The following IGF1R variants were observed in gnomAD, a reference collection of about 807,000 sequenced individuals.
IGF1R encodes insulin-like growth factor 1 receptor.
In IGF1R, 44 loss-of-function variants were observed where a neutral mutation model predicts 144.6. The ratio of observed to expected loss-of-function variants is 0.30; its 90% confidence interval spans 0.24 to 0.39. IGF1R has a LOEUF of 0.39. IGF1R is among the 10% of genes least tolerant of loss of function. The pLI, the probability that IGF1R is intolerant of heterozygous loss-of-function variation, is 1.00. For synonymous variants in IGF1R, 795 were observed against 722.8 expected (o/e 1.10, Z -1.60); for missense variants, 1,355 against 1,833.7 (o/e 0.74, Z 4.77).
chr15:98,925,930 A>G lies in IGF1R; in HGVS notation c.2782+1246A>G, dbSNP rs377217677. On this transcript the variant is annotated intron_variant, in intron 13 of 20. Transcript: ENST00000650285. ...GAAAAAAGGAAAAAAAACAAAAAAC[A>G]GCGCACTCAATAGGTCCAGCAATCT... 1.6e-3 allele frequency among the ~76,000 whole-genome samples: 239 copies of G among 152,224 alleles called. 1 individual carries two copies. The highest frequency in any genetic ancestry group is 5.5e-3 in the African/African-American group (227 of 41,550).
At chr15:98,793,976 A>G (rs954276823) in intron 2 of IGF1R, among the ~76,000 whole-genome samples, 1 of 152,204 alleles carries the variant, frequency 6.6e-6, no homozygotes, top group East Asian at 1.9e-4. Context: ...AGTTTTTGAG[A>G]TGAAGCAGGG....
chr15:98,668,021 T>C (rs544909691), intron 1 of IGF1R, among the ~76,000 whole-genome samples: 6 of 152,234 alleles, frequency 3.9e-5, no homozygotes, highest in South Asian at 2.1e-4. Flanking sequence ...CACAGACTTA[T>C]GTTTCTCACA....
intron 1 of IGF1R, among the ~76,000 whole-genome samples, chr15:98,675,908 C>T (rs1294695199): frequency 2.7e-5 from 4 of 149,660 alleles, no homozygotes; most frequent in Middle Eastern, 3.5e-3. Context: ...TCAAAGCAGC[C>T]TCCCCCTCCC....
chr15:98,796,281 G>C (rs779515756), intron 2 of IGF1R, among the ~76,000 whole-genome samples: 3 of 152,158 alleles, frequency 2.0e-5, no homozygotes, highest in Non-Finnish European at 2.9e-5. Context: ...GGGGGTGTGT[G>C]GGGGTGGTTG....
chr15:98,799,964 T>C (rs933630295), intron 2 of IGF1R, among the ~76,000 whole-genome samples: 1 of 152,176 alleles, frequency 6.6e-6, no homozygotes, highest in South Asian at 2.1e-4. Flanking sequence ...ATTTCTCCCT[T>C]CCTTTCCTGC....
At chr15:98,725,307 GA>G (rs1321852737) in intron 2 of IGF1R, among the ~76,000 whole-genome samples, 1 of 151,964 alleles carries the variant, frequency 6.6e-6, no homozygotes, top group African/African-American at 2.4e-5. Context: ...TTCTGAATTG[GA>G]AAAAAACAAA....
At chr15:98,683,682 A>G (rs1221838969) in intron 1 of IGF1R, among the ~76,000 whole-genome samples, 1 of 152,236 alleles carries the variant, frequency 6.6e-6, no homozygotes, top group Non-Finnish European at 1.5e-5. Context: ...CCATTTCACA[A>G]CTACATCTCA....
intron 2 of IGF1R, among the ~76,000 whole-genome samples, chr15:98,713,606 A>G (rs1479522099): frequency 6.6e-6 from 1 of 152,192 alleles, no homozygotes; most frequent in Non-Finnish European, 1.5e-5. Flanking sequence ...TGACTTTGTA[A>G]GGCAGTTTTG....
rs2053891845 is a variant in IGF1R, at chr15:98,707,409, A to G, written c.95-153A>G. On this transcript the variant is annotated intron_variant, in intron 1 of 20. Transcript: ENST00000650285. This position sits in a 1 kb window ranked among gnomAD's most constrained non-coding sequence, Gnocchi z 6.7. The stretch of plus-strand genomic sequence containing the variant: ...TAACTGGTTAGCCACCTAAACTGTC[A>G]GTCTGCAACCCACAGCTCTGCAGTG... 6.6e-6 allele frequency among the ~76,000 whole-genome samples: 1 copy of G among 152,238 alleles called. No individual in the cohort carries two copies. Among genetic ancestry groups the G allele is most frequent in the Non-Finnish European group, 1.5e-5 (1 of 68,042 alleles).
chr15:98,897,696 C>A (rs1193934683), intron 4 of IGF1R, among the ~76,000 whole-genome samples: 1 of 152,226 alleles, frequency 6.6e-6, no homozygotes, highest in East Asian at 1.9e-4. Flanking sequence ...TCTGCTCAGC[C>A]TCCCACGTTG....
chr15:98,677,192 C>G (rs2053069521), intron 1 of IGF1R, among the ~76,000 whole-genome samples: 1 of 152,166 alleles, frequency 6.6e-6, no homozygotes, highest in Non-Finnish European at 1.5e-5. Context: ...CCACCTTCAC[C>G]TCCCAAAGTG....
chr15:98,742,441 G>A (rs570587074), intron 2 of IGF1R, among the ~76,000 whole-genome samples: 3 of 152,274 alleles, frequency 2.0e-5, no homozygotes, highest in South Asian at 2.1e-4. Flanking sequence ...CAAGGTGGAC[G>A]AGGGCTGGGG....
intron 19 of IGF1R, among the ~76,000 whole-genome samples, chr15:98,943,327 A>G (rs2016434230): frequency 6.6e-6 from 1 of 152,194 alleles, no homozygotes; most frequent in South Asian, 2.1e-4. Context: ...AGGAGGTGGG[A>G]TGTGCCAGAA....
rs575877649 is a variant in IGF1R, at chr15:98,840,961, G to A, written c.641-50364G>A. On this transcript the variant is annotated intron_variant, in intron 2 of 20. Coordinates refer to ENST00000650285, the MANE Select transcript of IGF1R (RefSeq NM_000875.5). ...CTCCCAAAGTGCTGGGATTACAGGC[G>A]TGAGACACTGCGCCTGGCCGTCCAG... Among the ~76,000 whole-genome samples the A allele has an allele frequency of 1.2e-4, 19 of 152,300 alleles. No individual in the cohort carries two copies. The South Asian group carries it at 1.9e-3, about 15-fold the overall frequency.
chr15:98,673,554 G>A (rs936239797), intron 1 of IGF1R, among the ~76,000 whole-genome samples: 1 of 152,188 alleles, frequency 6.6e-6, no homozygotes, highest in African/African-American at 2.4e-5. Context: ...ACTCTTAGTA[G>A]CCTTACAGAT....
At chr15:98,719,273 C>A (rs2054192165) in intron 2 of IGF1R, among the ~76,000 whole-genome samples, 1 of 152,216 alleles carries the variant, frequency 6.6e-6, no homozygotes, top group African/African-American at 2.4e-5. Context: ...CTGGTTCTAA[C>A]TCTTTATCAC....
intron 2 of IGF1R, among the ~76,000 whole-genome samples, chr15:98,733,740 C>T (rs986406919): frequency 1.3e-5 from 2 of 152,164 alleles, no homozygotes; most frequent in African/African-American, 2.4e-5. Flanking sequence ...GAACATGGGA[C>T]TGTTTGCAAG....
chr15:98,714,657 A>T (rs917835697), intron 2 of IGF1R, among the ~76,000 whole-genome samples: 1 of 152,048 alleles, frequency 6.6e-6, no homozygotes, highest in Non-Finnish European at 1.5e-5. Flanking sequence ...GAGAAAAAAA[A>T]AAAAAGATTT....
intron 2 of IGF1R, among the ~76,000 whole-genome samples, chr15:98,718,569 G>T (rs1016415744): frequency 6.6e-6 from 1 of 152,226 alleles, no homozygotes; most frequent in Non-Finnish European, 1.5e-5. Context: ...TTGTGCCCAT[G>T]GGGCCCCTGG....
Sources: allele counts gnomAD v4.1 joint callset (sites outside exome capture counted in the v4.1 genomes callset), GRCh38; gene constraint gnomAD v4.1.1; non-coding constraint Gnocchi (gnomAD v3.1); transcripts MANE v1.5; gene names NCBI Gene and HGNC (gene_info 2026-07-23, HGNC 2026-07-21).